ANKRD11: variants seen among roughly 807,000 people sequenced by gnomAD.
The protein encoded by ANKRD11 is ankyrin repeat domain-containing protein 11.
Under a neutral mutation model 195.7 loss-of-function variants are expected in ANKRD11, and 17 were observed. The ratio of observed to expected loss-of-function variants is 0.09; its 90% CI spans 0.06 to 0.13. The LOEUF (loss-of-function observed/expected upper bound fraction) is 0.13. ANKRD11 is among the 10% of genes least tolerant of loss of function. The pLI is 1.00. For missense variants in ANKRD11, 3,735 were observed against 3,566.1 expected (o/e 1.05, Z -1.21); for synonymous variants, 1,953 against 1,528.1 (o/e 1.28, Z -6.49).
intron 1 of ANKRD11, among the ~76,000 whole-genome samples, chr16:89,432,944 ATCTCTCTCTCTCTCTCTCTC>A (rs56770747): frequency 1.8e-4 from 20 of 108,650 alleles, no homozygotes; most frequent in Non-Finnish European, 3.1e-4. Context: ...CAGAGACCCT[ATCTCTCTCTCTCTCTCTCTC>A]TCTCTCTCTC....
chr16:89,458,077 G>A (rs2056513295), intron 1 of ANKRD11, among the ~76,000 whole-genome samples: 3 of 152,054 alleles, frequency 2.0e-5, no homozygotes, highest in African/African-American at 4.8e-5. Flanking sequence ...GCTGTGCGGT[G>A]GCCCCAGGAA....
chr16:89,408,928 C>T (rs1453546107), intron 2 of ANKRD11, among the ~76,000 whole-genome samples: 2 of 152,184 alleles, frequency 1.3e-5, no homozygotes, highest in East Asian at 1.9e-4. Flanking sequence ...CTGGGAAATA[C>T]AAGTGAACAG....
At chr16:89,307,262 G>GC (rs1327701918) in intron 3 of ANKRD11, among the ~76,000 whole-genome samples, 11 of 152,300 alleles carry the variant, frequency 7.2e-5, no homozygotes, top group Admixed American at 7.2e-4. Context: ...CCTGGGAGAA[G>GC]CCCAAGCATC....
chr16:89,301,625 T>C (rs1442701969), intron 4 of ANKRD11: 1 of 398,544 alleles, frequency 2.5e-6, no homozygotes, highest in Non-Finnish European at 4.4e-6. Flanking sequence ...GGACGGGCTC[T>C]TGCCCAGCGC....
chr16:89,380,631 T>TA (rs1050651624), intron 2 of ANKRD11, among the ~76,000 whole-genome samples: 3 of 152,078 alleles, frequency 2.0e-5, no homozygotes, highest in Non-Finnish European at 4.4e-5. Flanking sequence ...TAAAAGACAA[T>TA]AACCAATAGG....
chr16:89,487,990 T>A (rs764940227), intron 1 of ANKRD11, among the ~76,000 whole-genome samples: 1 of 151,888 alleles, frequency 6.6e-6, no homozygotes, highest in South Asian at 2.1e-4. Flanking sequence ...GCATGGCCAG[T>A]CCGGAGAAAA....
intron 1 of ANKRD11, among the ~76,000 whole-genome samples, chr16:89,440,119 G>A (rs973699201): frequency 2.0e-5 from 3 of 152,170 alleles, no homozygotes; most frequent in Middle Eastern, 3.2e-3. Flanking sequence ...GTGCTCACCC[G>A]CAACCATTTC....
intron 2 of ANKRD11, among the ~76,000 whole-genome samples, chr16:89,393,852 G>A (rs1048059091): frequency 6.6e-6 from 1 of 152,136 alleles, no homozygotes; most frequent in Non-Finnish European, 1.5e-5. Flanking sequence ...CAGACAGTGG[G>A]AATAATCATG....
intron 2 of ANKRD11, among the ~76,000 whole-genome samples, chr16:89,373,889 G>A (rs1567715594): frequency 6.6e-6 from 1 of 152,138 alleles, no homozygotes; most frequent in Admixed American, 6.5e-5. Flanking sequence ...ACAGAGGTGG[G>A]GCCTGAGTCT....
chr16:89,462,163 T>C (rs2056700509), intron 1 of ANKRD11, among the ~76,000 whole-genome samples: 1 of 151,256 alleles, frequency 6.6e-6, no homozygotes, highest in African/African-American at 2.4e-5. Context: ...CCATCTCGGC[T>C]CACTGCAACC....
rs2965941 is a variant in ANKRD11, at chr16:89,441,583, T to A, written c.-144-23215A>T. On this transcript the variant is annotated intron_variant, in intron 1 of 12. Transcript: ENST00000301030. ...CAGATGGAGACCATCCTGGCTAACATGGTAAAACCCCACCTCTACTAAAAA... is the reference window on the plus strand; with the variant it reads ...CAGATGGAGACCATCCTGGCTAACAAGGTAAAACCCCACCTCTACTAAAAA... Among the ~76,000 whole-genome samples, 44 of 151,522 alleles carry A rather than the reference T, an allele frequency of 2.9e-4. 2 individuals carry two copies. The South Asian group carries it at 6.9e-3, about 24-fold the overall frequency.
intron 2 of ANKRD11, among the ~76,000 whole-genome samples, chr16:89,336,175 T>C (rs981690429): frequency 1.3e-5 from 2 of 152,226 alleles, no homozygotes; most frequent in Admixed American, 6.5e-5. Context: ...CCAGGATACC[T>C]CTGGAGCTCA....
At chr16:89,471,203 A>AAAAT (rs1178137153) in intron 1 of ANKRD11, among the ~76,000 whole-genome samples, 1 of 152,100 alleles carries the variant, frequency 6.6e-6, no homozygotes. Flanking sequence ...AAAGTAAAAA[A>AAAAT]AAATAAATAA....
chr16:89,314,254 A>AAAAC (rs922996446), intron 3 of ANKRD11, among the ~76,000 whole-genome samples: 3 of 151,358 alleles, frequency 2.0e-5, no homozygotes, highest in Non-Finnish European at 4.4e-5. Flanking sequence ...ACCCTGTCTC[A>AAAAC]AAACAAACAA....
chr16:89,300,903 T>C (rs1285085659), intron 4 of ANKRD11: 1 of 701,360 alleles, frequency 1.4e-6, no homozygotes, highest in Middle Eastern at 2.3e-4. Context: ...CTTCGGCCCA[T>C]GGCGCTCCTG....
intron 2 of ANKRD11, among the ~76,000 whole-genome samples, chr16:89,378,746 A>G (rs1325175074): frequency 6.6e-6 from 1 of 152,052 alleles, no homozygotes; most frequent in Non-Finnish European, 1.5e-5. Context: ...TGCCTGGCTA[A>G]TTTTTTGTCT....
At chr16:89,411,236 G>A (rs914941757) in intron 2 of ANKRD11, among the ~76,000 whole-genome samples, 12 of 152,208 alleles carry the variant, frequency 7.9e-5, no homozygotes, top group African/African-American at 2.2e-4. Context: ...GTGCCACCAC[G>A]GGGGCCCAGG....
chr16:89,290,498 G>A, intron 6 of ANKRD11, 127 bp downstream of exon 6: 1 of 640,408 alleles, frequency 1.6e-6, no homozygotes, highest in Admixed American at 2.8e-5. Context: ...GGCTCCAATG[G>A]GGGGAGGCTC....
chr16:89,473,417 A>G (rs1205509007), intron 1 of ANKRD11, among the ~76,000 whole-genome samples: 2 of 152,202 alleles, frequency 1.3e-5, no homozygotes, highest in African/African-American at 4.8e-5. Flanking sequence ...GACCACATCC[A>G]TCATCTCATC....
Sources: gnomAD v4.1 joint callset for allele counts (sites outside exome capture counted in the v4.1 genomes callset) on GRCh38, gnomAD v4.1.1 for gene constraint, MANE v1.5 for transcripts, NCBI Gene and HGNC (gene_info 2026-07-23, HGNC 2026-07-21) for gene names.